ANKRD28: variants seen among roughly 807,000 people sequenced by gnomAD.
The protein encoded by ANKRD28 is ankyrin repeat domain 28.
In ANKRD28, 44 loss-of-function variants were observed where a neutral mutation model predicts 126.5. The ratio of observed to expected loss-of-function variants is 0.35; its 90% CI spans 0.27 to 0.45. The LOEUF is 0.45. Among genes scored for constraint, ANKRD28 ranks in the 20% least tolerant of loss-of-function variants. ANKRD28 has a pLI of 1.00. For synonymous variants in ANKRD28, 442 were observed against 468.5 expected, an observed-to-expected ratio of 0.94 and a Z score of 0.73; for missense variants, 1,110 against 1,316.6, an observed-to-expected ratio of 0.84 and a Z score of 2.43.
intron 1 of ANKRD28, among the ~76,000 whole-genome samples, chr3:15,855,191 T>C (rs1024732190): frequency 6.6e-5 from 10 of 152,226 alleles, no homozygotes; most frequent in Non-Finnish European, 1.5e-4. Context: ...CCGTCATTTT[T>C]TGTGTGTGTT....
chr3:15,836,437 A>T (rs1331584617), intron 1 of ANKRD28, among the ~76,000 whole-genome samples: 5 of 152,146 alleles, frequency 3.3e-5, no homozygotes, highest in Non-Finnish European at 7.4e-5. Flanking sequence ...AAGACATGAG[A>T]TGTATAGAAA....
At chr3:15,745,280 T>C (rs2057400565) in intron 4 of ANKRD28, among the ~76,000 whole-genome samples, 1 of 152,196 alleles carries the variant, frequency 6.6e-6, no homozygotes, top group African/African-American at 2.4e-5. Context: ...GGTCATGACG[T>C]CTTTGCCTAA....
At position 15,838,705 on chromosome 3, in the gene ANKRD28, G is replaced by A. The variant is rs971177736; in HGVS notation, c.27+20672C>T. ...AGAGGTTGCAGTGAGCCGGGACCACGCCACTGCACTCCAGCCTGGGCAACA... is the reference window on the plus strand; with the variant it reads ...AGAGGTTGCAGTGAGCCGGGACCACACCACTGCACTCCAGCCTGGGCAACA... On this transcript the variant is annotated intron_variant, in intron 1 of 27. Transcript: ENST00000399451. This position sits in a 1 kb window ranked among gnomAD's most constrained non-coding sequence, Gnocchi z 4.0. 4.6e-5 allele frequency among the ~76,000 whole-genome samples: 7 copies of A among 150,714 alleles called. No individual in the cohort carries two copies. The highest frequency in any genetic ancestry group is 2.0e-4 in the Admixed American group (3 of 15,136).
chr3:15,742,364 A>G, intron 4 of ANKRD28, among the ~76,000 whole-genome samples: 1 of 146,006 alleles, frequency 6.8e-6, no homozygotes, highest in Non-Finnish European at 1.5e-5. Context: ...ATCGTCTGAG[A>G]TGTGGGGAGC....
chr3:15,740,907 T>C (rs1559446675), intron 4 of ANKRD28, among the ~76,000 whole-genome samples: 1 of 152,152 alleles, frequency 6.6e-6, no homozygotes. Context: ...GAGTAATACA[T>C]GTCAGATCAC....
intron 2 of ANKRD28, among the ~76,000 whole-genome samples, chr3:15,794,951 T>G (rs2060207936): frequency 6.6e-6 from 1 of 152,104 alleles, no homozygotes; most frequent in African/African-American, 2.4e-5. Context: ...CAAAAGTAAG[T>G]GAAAGGTATA....
rs760881016 is a variant in ANKRD28, at chr3:15,721,066, T to C, written c.845A>G (p.Asp282Gly). The C allele has an allele frequency of 2.5e-6, 4 of 1,613,778 alleles. No individual in the cohort carries two copies. The highest frequency in any genetic ancestry group is 1.6e-4 in the Middle Eastern group (1 of 6,082). Residue 282 changes from aspartate (D) to glycine (G), a missense_variant, in exon 8 of 28, where the codon GAT becomes GGT. By Grantham distance (94) the Asp-to-Gly change is moderately conservative. Transcript: ENST00000683139. ...GTCTATAAGTTCATTCACTACAACATCTTGTCCATTATAGCAGGCTACATG... is the reference window on the plus strand; with the variant it reads ...GTCTATAAGTTCATTCACTACAACACCTTGTCCATTATAGCAGGCTACATG... ...PLHVACYNGQ[D>G]VVVNELIDCG...
Position 15,734,280 on chromosome 3 carries a change from C to T in ANKRD28, c.640+1130G>A, listed in dbSNP as rs114203100. ...AGTTAATATTCCTCCATTGAATCTT[C>T]TGTTAATCTTTTATTTTTAAATGAG... is the stretch of plus-strand genomic sequence containing the variant. On this transcript the variant is annotated intron_variant, in intron 6 of 27. Coordinates refer to ENST00000683139, the MANE Select transcript of ANKRD28 (RefSeq NM_001349278.2). 3.0e-3 allele frequency among the ~76,000 whole-genome samples: 458 copies of T among 152,290 alleles called. 1 individual carries two copies. Among genetic ancestry groups the T allele is most frequent in the African/African-American group, 0.011 (440 of 41,558 alleles).
chr3:15,835,684 T>C (rs1050834349), intron 1 of ANKRD28, among the ~76,000 whole-genome samples: 6 of 152,222 alleles, frequency 3.9e-5, no homozygotes, highest in African/African-American at 1.4e-4. Context: ...CCTCATCTTG[T>C]GCCATCCCTT....
rs940021670 is a variant in ANKRD28 at position 15,852,106 on chromosome 3, T to A, written c.27+7271A>T. ...GGGGTAAAAGGTTTTTGTCATAAAA[T>A]GTTCTAAAATGGATTTTGGTGGTAC... On this transcript the variant is annotated intron_variant, in intron 1 of 27. Coordinates refer to the ANKRD28 transcript ENST00000399451. Among the ~76,000 whole-genome samples the A allele has an allele frequency of 2.2e-4, 34 of 152,316 alleles. 5 individuals carry two copies. Among genetic ancestry groups the A allele is most frequent in the Admixed American group, 9.8e-4 (15 of 15,296 alleles).
chr3:15,849,643 T>C (rs2061596662), intron 1 of ANKRD28, among the ~76,000 whole-genome samples: 2 of 152,136 alleles, frequency 1.3e-5, no homozygotes, highest in African/African-American at 2.4e-5. Flanking sequence ...CCTGAATAAA[T>C]ATTCTTAAGG....
intron 2 of ANKRD28, among the ~76,000 whole-genome samples, chr3:15,774,861 G>A (rs1170969789): frequency 6.6e-6 from 1 of 152,146 alleles, no homozygotes; most frequent in African/African-American, 2.4e-5. Context: ...AAAGTAGGCA[G>A]GAGATTTATT....
intron 1 of ANKRD28, among the ~76,000 whole-genome samples, chr3:15,819,434 A>T (rs1177910475): frequency 1.3e-5 from 2 of 152,218 alleles, no homozygotes; most frequent in Non-Finnish European, 2.9e-5. Context: ...GTAAAATATT[A>T]TCTTTCCAAC....
At chr3:15,778,474 C>T (rs965502798) in intron 2 of ANKRD28, among the ~76,000 whole-genome samples, 1 of 152,104 alleles carries the variant, frequency 6.6e-6, no homozygotes, top group East Asian at 1.9e-4. Context: ...GTTCTTTGTC[C>T]TTCTAAGACC....
intron 2 of ANKRD28, among the ~76,000 whole-genome samples, chr3:15,785,169 T>C (rs1023450030): frequency 1.3e-5 from 2 of 152,136 alleles, no homozygotes; most frequent in Admixed American, 6.6e-5. Flanking sequence ...GGTTTGGGGA[T>C]GACCTTTTAG....
intron 2 of ANKRD28, among the ~76,000 whole-genome samples, chr3:15,769,798 G>A (rs1343372911): frequency 6.6e-6 from 1 of 152,160 alleles, no homozygotes; most frequent in Non-Finnish European, 1.5e-5. Flanking sequence ...AAAAAGGGAA[G>A]TGCTATTGAA....
chr3:15,732,111 T>C (rs944318300), intron 6 of ANKRD28: 1 of 152,006 alleles, frequency 6.6e-6, no homozygotes. Flanking sequence ...AGCAGGACCC[T>C]GTTTAGGGTG....
At chr3:15,684,425 G>C (rs148556663) in intron 21 of ANKRD28, 18 of 152,120 alleles carry the variant, frequency 1.2e-4, no homozygotes, top group African/African-American at 4.1e-4. Flanking sequence ...AGACCTGCTA[G>C]GGATTTATTC....
At chr3:15,844,243 C>T (rs2061484362) in intron 1 of ANKRD28, among the ~76,000 whole-genome samples, 1 of 151,930 alleles carries the variant, frequency 6.6e-6, no homozygotes, top group East Asian at 1.9e-4. Flanking sequence ...AAGAAATATA[C>T]CGGTAGTAAA....
Sources: allele counts gnomAD v4.1 joint callset (sites outside exome capture counted in the v4.1 genomes callset), GRCh38; gene constraint gnomAD v4.1.1; non-coding constraint Gnocchi (gnomAD v3.1); transcripts MANE v1.5; gene names NCBI Gene and HGNC (gene_info 2026-07-23, HGNC 2026-07-21).